The following RRAGD variants were observed in gnomAD, a reference collection of about 807,000 sequenced individuals.
The protein encoded by RRAGD is ras-related GTP-binding protein D.
A neutral mutation model predicts 35.5 loss-of-function variants in RRAGD; 12 were observed. The ratio of observed to expected loss-of-function variants is 0.34; its 90% CI spans 0.22 to 0.55. The LOEUF is 0.55. Among genes scored for constraint, RRAGD ranks in the 20% least tolerant of loss-of-function variants. The probability of loss-of-function intolerance (pLI) is 0.91; values close to 1 mark genes in which losing one functional copy is unlikely to be tolerated. For missense variants in RRAGD, 324 were observed against 490.1 expected, an observed-to-expected ratio of 0.66 and a Z score of 3.20; for synonymous variants, 155 against 178.9, an observed-to-expected ratio of 0.87 and a Z score of 1.07.
At chr6:89,372,626 A>G in intron 5 of RRAGD, 41 bp from the exon 6 acceptor site, 1 of 1,506,220 alleles carries the variant, frequency 6.6e-7, no homozygotes, top group Non-Finnish European at 8.8e-7. Flanking sequence ...CCATTGAGAA[A>G]GAACTAGAAA....
chr6:89,387,781 T>C (rs1769161347), intron 1 of RRAGD, among the ~76,000 whole-genome samples, 191 bp from the exon 2 acceptor site: 1 of 152,082 alleles, frequency 6.6e-6, no homozygotes, highest in Non-Finnish European at 1.5e-5. Flanking sequence ...TAACCGCTGG[T>C]CTATACTTCC....
At chr6:89,381,902 A>T (rs1030801090) in intron 2 of RRAGD, among the ~76,000 whole-genome samples, 2 of 152,022 alleles carry the variant, frequency 1.3e-5, no homozygotes, top group African/African-American at 4.8e-5. Flanking sequence ...GAGTGCCTTG[A>T]CTGTACCTGG....
chr6:89,388,052 C>G (rs1769165836), intron 1 of RRAGD, among the ~76,000 whole-genome samples: 1 of 152,120 alleles, frequency 6.6e-6, no homozygotes, highest in Non-Finnish European at 1.5e-5. Context: ...CTTAGTCACC[C>G]TCCTCTGGCT....
chr6:89,412,019 G>C lies in RRAGD; in HGVS notation c.-26C>G. 6.6e-7 allele frequency: 1 copy of C among 1,520,036 alleles called. No individual in the cohort carries two copies. Among genetic ancestry groups the C allele is most frequent in the Non-Finnish European group, 8.8e-7 (1 of 1,138,878 alleles). The allele number at this position is 1,520,036 out of a possible 1,614,324, so 94.2% of individuals were successfully genotyped here. A position where few individuals can be genotyped will look rare whatever the true frequency, so the allele number is the denominator to read the frequency against. ...CGTGCCCACCGGCCGGCCGGCCCGG[G>C]GACGGCGGGGGTCCCGGGGTGGGGG... On this transcript the variant is annotated 5_prime_UTR_variant, in exon 1 of 7. Transcript: ENST00000369415. The surrounding 1 kb of genome is among the most constrained non-coding windows in gnomAD (Gnocchi z 4.2).
intron 6 of RRAGD, among the ~76,000 whole-genome samples, chr6:89,370,845 GA>G (rs1414272467): frequency 6.6e-6 from 1 of 152,072 alleles, no homozygotes; most frequent in Non-Finnish European, 1.5e-5. Flanking sequence ...GAAAGGACTG[GA>G]AAAGTATACA....
At chr6:89,379,440 T>C in intron 3 of RRAGD, 102 bp from the exon 4 acceptor site, 1 of 582,394 alleles carries the variant, frequency 1.7e-6, no homozygotes, top group Non-Finnish European at 3.1e-6. Context: ...GTATGTATAG[T>C]CCTAACACAT....
intron 1 of RRAGD, among the ~76,000 whole-genome samples, chr6:89,391,654 A>T (rs1387301472): frequency 6.6e-6 from 1 of 152,088 alleles, no homozygotes; most frequent in Non-Finnish European, 1.5e-5. Context: ...TTGGAGTGAT[A>T]AAAATGTTCT....
intron 6 of RRAGD, among the ~76,000 whole-genome samples, chr6:89,372,165 T>C (rs1768863206): frequency 6.6e-6 from 1 of 152,206 alleles, no homozygotes; most frequent in Non-Finnish European, 1.5e-5. Context: ...CTAGCAGAGA[T>C]GCCAAGGCCC....
chr6:89,403,700 T>C (rs114493023), intron 1 of RRAGD, among the ~76,000 whole-genome samples: 3,821 of 148,850 alleles, frequency 0.026, 163 homozygotes, highest in African/African-American at 0.089. Context: ...AGTGGCTCAA[T>C]CATAGCTCAC....
At chr6:89,407,222 G>A (rs1328481962) in intron 1 of RRAGD, among the ~76,000 whole-genome samples, 3 of 152,142 alleles carry the variant, frequency 2.0e-5, no homozygotes, top group Admixed American at 6.5e-5. Flanking sequence ...TGTCTGCAGT[G>A]TCACAGCAGA....
chr6:89,394,708 T>G (rs1769300457), intron 1 of RRAGD, among the ~76,000 whole-genome samples: 1 of 152,148 alleles, frequency 6.6e-6, no homozygotes, highest in Non-Finnish European at 1.5e-5. Context: ...GTTAAGTATT[T>G]TTTTTAATTT....
intron 1 of RRAGD, among the ~76,000 whole-genome samples, chr6:89,397,623 A>C (rs916300157): frequency 2.3e-4 from 35 of 151,128 alleles, no homozygotes; most frequent in African/African-American, 7.2e-4. Context: ...ACAAAAAAAA[A>C]CAAAAAAAAC....
intron 3 of RRAGD, 48 bp downstream of exon 3, chr6:89,380,120 G>A (rs1448662816): frequency 6.3e-7 from 1 of 1,575,432 alleles, no homozygotes; most frequent in Admixed American, 1.7e-5. Flanking sequence ...CCCCAAACTT[G>A]CTTTCTTCCA....
chr6:89,383,900 G>A (rs1415069395), intron 2 of RRAGD, among the ~76,000 whole-genome samples: 2 of 152,062 alleles, frequency 1.3e-5, no homozygotes, highest in African/African-American at 4.8e-5. Flanking sequence ...GAGGCGGGTG[G>A]ATCACGAGGT....
chr6:89,386,224 C>A (rs1446022443), intron 2 of RRAGD, among the ~76,000 whole-genome samples: 1 of 152,170 alleles, frequency 6.6e-6, no homozygotes, highest in Non-Finnish European at 1.5e-5. Flanking sequence ...TTTCTAAGAG[C>A]CCCAGACATG....
At position 89,380,315 on chromosome 6, in the gene RRAGD, T is replaced by C; in HGVS notation, c.497A>G (p.Tyr166Cys). ...ARLHLTVTRA[Y>C]KVNTDINFEV... ...GAAGTTGATGTCAGTATTCACTTTG[T>C]AGGCCCTGGTCACCGTGAGGTGGAG... Residue 166 changes from tyrosine (Y) to cysteine (C), a missense_variant, in exon 3 of 7, where the codon TAC (tyrosine) becomes TGC (cysteine). This residue lies in a region of RRAGD where 152 missense variants were observed against 296.9 expected (regional missense o/e 0.51). Coordinates refer to ENST00000369415, the MANE Select transcript of RRAGD (RefSeq NM_021244.5). The C allele has an allele frequency of 6.2e-7, 1 of 1,614,268 alleles. No individual in the cohort carries two copies. The highest frequency in any genetic ancestry group is 8.5e-7 in the Non-Finnish European group (1 of 1,180,052).
chr6:89,378,841 T>A (rs984571880), intron 4 of RRAGD, among the ~76,000 whole-genome samples: 1 of 151,130 alleles, frequency 6.6e-6, no homozygotes, highest in Non-Finnish European at 1.5e-5. Flanking sequence ...CACTTTAGCC[T>A]CAAACTCCTG....
In RRAGD at chr6:89,411,728, G is replaced by T; in HGVS notation, c.148+118C>A. ...CCTCCCCACCCCAAACCCTCAACTG[G>T]ACCCGCTCCCCTGGACCCCCTCCAA... is the stretch of plus-strand genomic sequence containing the variant. On this transcript the variant is annotated intron_variant, in intron 1 of 6. Coordinates refer to ENST00000369415, the MANE Select transcript of RRAGD (RefSeq NM_021244.5). The surrounding 1 kb of genome is among the most constrained non-coding windows in gnomAD (Gnocchi z 5.6). The T allele has an allele frequency of 8.6e-7, 1 of 1,161,124 alleles. No homozygotes were observed. The highest frequency in any genetic ancestry group is 1.5e-5 in the South Asian group (1 of 66,092). 71.9% of individuals were successfully genotyped at this position (1,161,124 alleles called of 1,614,324 possible).
At chr6:89,377,579 TA>T (rs1219778038) in intron 5 of RRAGD, 91 bp downstream of exon 5, 3 of 1,172,424 alleles carry the variant, frequency 2.6e-6, no homozygotes, top group Non-Finnish European at 3.5e-6. Context: ...ACAAAAATGT[TA>T]AAGTTAAGTA....
Sources: allele counts gnomAD v4.1 joint callset (sites outside exome capture counted in the v4.1 genomes callset), GRCh38; gene constraint gnomAD v4.1.1; regional missense constraint gnomAD v4.1.1; non-coding constraint Gnocchi (gnomAD v3.1); transcripts MANE v1.5; gene names NCBI Gene and HGNC (gene_info 2026-07-23, HGNC 2026-07-21).